Variants in GABRA3 observed in about 807,000 individuals in gnomAD.
The protein encoded by GABRA3 is gamma-aminobutyric acid type A receptor subunit alpha3, also known as gamma-aminobutyric acid receptor subunit alpha-3.
Under a neutral mutation model 30.1 loss-of-function variants are expected in GABRA3, and 10 were observed. The ratio of observed to expected loss-of-function variants is 0.33; its 90% confidence interval spans 0.20 to 0.56. GABRA3 has a LOEUF of 0.56. Ranked by LOEUF, GABRA3 falls within the 20% of genes least tolerant of loss-of-function variation. The pLI, the probability that GABRA3 is intolerant of heterozygous loss-of-function variation, is 0.89. For synonymous variants in GABRA3, 151 were observed against 146.8 expected, an observed-to-expected ratio of 1.03 and a Z score of -0.21; for missense variants, 233 against 392.0, an observed-to-expected ratio of 0.59 and a Z score of 3.42.
chrX:152,364,408 T>A (rs199945107), intron 2 of GABRA3, 23 bp downstream of exon 2: 1 of 1,193,716 alleles, frequency 8.4e-7, no homozygotes, highest in African/African-American at 1.8e-5. Context: ...TCTTCTTTCA[T>A]CCTAAGAGTT....
chrX:152,332,286 A>G (rs908111915), intron 3 of GABRA3, among the ~76,000 whole-genome samples: 1 of 112,071 alleles, frequency 8.9e-6, no homozygotes, highest in Admixed American at 9.5e-5. Context: ...TAATGCATAG[A>G]AGACAGAATG....
chrX:152,322,754 G>A (rs1329416516), intron 3 of GABRA3, among the ~76,000 whole-genome samples: 1 of 105,597 alleles, frequency 9.5e-6, no homozygotes. Flanking sequence ...GGTTGGTCTC[G>A]AACTCCTGAC....
intron 3 of GABRA3, among the ~76,000 whole-genome samples, chrX:152,296,980 G>C (rs1403118556): frequency 1.8e-5 from 2 of 111,612 alleles, no homozygotes; most frequent in African/African-American, 6.5e-5. Flanking sequence ...TTACAGGCAT[G>C]AGCCACCATG....
At chrX:152,367,376 T>C (rs1402070388) in intron 1 of GABRA3, among the ~76,000 whole-genome samples, 1 of 111,741 alleles carries the variant, frequency 8.9e-6, no homozygotes, top group Non-Finnish European at 1.9e-5. Flanking sequence ...CCATGATACA[T>C]GAACACATAA....
intron 5 of GABRA3, among the ~76,000 whole-genome samples, chrX:152,248,584 G>A: frequency 8.9e-6 from 1 of 111,877 alleles, no homozygotes; most frequent in Non-Finnish European, 1.9e-5. Context: ...AATTTAAGGA[G>A]CAAGAAATAC....
intron 4 of GABRA3, among the ~76,000 whole-genome samples, chrX:152,267,535 G>C (rs1388360358): frequency 1.8e-5 from 2 of 111,143 alleles, no homozygotes; most frequent in Non-Finnish European, 3.8e-5. Context: ...GAATGAGTTT[G>C]GACATATTCC....
At chrX:152,382,996 G>A (rs1929186674) in intron 1 of GABRA3, among the ~76,000 whole-genome samples, 1 of 111,009 alleles carries the variant, frequency 9.0e-6, no homozygotes, top group South Asian at 3.8e-4. Context: ...AGATTATTTT[G>A]GCTATTCTGG....
At chrX:152,289,582 A>C (rs1465603177) in intron 3 of GABRA3, among the ~76,000 whole-genome samples, 1 of 110,136 alleles carries the variant, frequency 9.1e-6, no homozygotes, top group Non-Finnish European at 1.9e-5. Context: ...TTTGTTACAT[A>C]GGCATACATG....
At chrX:152,279,220 C>T (rs1359992199) in intron 4 of GABRA3, among the ~76,000 whole-genome samples, 2 of 111,670 alleles carry the variant, frequency 1.8e-5, no homozygotes, top group Non-Finnish European at 3.8e-5. Context: ...CCTAGGTTTT[C>T]TTCTAGGGTT....
intron 6 of GABRA3, among the ~76,000 whole-genome samples, chrX:152,216,958 C>T (rs762944898): frequency 9.1e-6 from 1 of 110,367 alleles, no homozygotes; most frequent in South Asian, 3.8e-4. Flanking sequence ...TCAATTAAAA[C>T]GAAAATAATT....
intron 1 of GABRA3, among the ~76,000 whole-genome samples, chrX:152,412,297 T>C (rs1030968221): frequency 1.8e-5 from 2 of 111,971 alleles, no homozygotes; most frequent in Admixed American, 1.9e-4. Context: ...AATTCACTTA[T>C]GACTCAGCAA....
chrX:152,189,578 GC>G (rs1241559342), intron 9 of GABRA3, 151 bp downstream of exon 9: 25 of 423,189 alleles, frequency 5.9e-5, no homozygotes, highest in Non-Finnish European at 9.3e-5. Context: ...ATGCCAGGTT[GC>G]CAAGAAGCAC....
intron 1 of GABRA3, among the ~76,000 whole-genome samples, chrX:152,368,906 C>T (rs756998072): frequency 3.4e-4 from 37 of 110,232 alleles, no homozygotes; most frequent in Non-Finnish European, 6.4e-4. Flanking sequence ...GGGGTTTCAC[C>T]GTGTTAGCCA....
At chrX:152,279,611 T>C (rs1477588787) in intron 4 of GABRA3, among the ~76,000 whole-genome samples, 1 of 111,401 alleles carries the variant, frequency 9.0e-6, no homozygotes, top group Non-Finnish European at 1.9e-5. Context: ...TTTGGTTCCA[T>C]ATGAAATTTA....
At chrX:152,202,643 T>C (rs1937499513) in intron 7 of GABRA3, among the ~76,000 whole-genome samples, 1 of 112,461 alleles carries the variant, frequency 8.9e-6, no homozygotes. Context: ...TGTGTATGTA[T>C]GTGCACACAT....
At chrX:152,260,843 G>A (rs1443637477) in intron 4 of GABRA3, among the ~76,000 whole-genome samples, 4 of 111,606 alleles carry the variant, frequency 3.6e-5, no homozygotes, top group African/African-American at 1.3e-4. Context: ...TGAACATCTA[G>A]AAGTATAAAG....
chrX:152,414,232 A>AT (rs1440773454), intron 1 of GABRA3, among the ~76,000 whole-genome samples: 1 of 111,014 alleles, frequency 9.0e-6, no homozygotes, highest in Non-Finnish European at 1.9e-5. Context: ...ACGCAAAAAT[A>AT]TTTTTACAGG....
intron 7 of GABRA3, among the ~76,000 whole-genome samples, chrX:152,199,822 C>G (rs921209170): frequency 9.1e-6 from 1 of 109,569 alleles, no homozygotes; most frequent in Non-Finnish European, 1.9e-5. Context: ...CCTTCCCTCC[C>G]TCCTTTCTGT....
intron 5 of GABRA3, among the ~76,000 whole-genome samples, chrX:152,238,190 T>C (rs1352026455): frequency 9.6e-6 from 1 of 104,196 alleles, no homozygotes; most frequent in Non-Finnish European, 1.9e-5. Flanking sequence ...TTATTGAGAG[T>C]TTTTATCATG....
Sources: gnomAD v4.1 joint callset for allele counts (sites outside exome capture counted in the v4.1 genomes callset) on GRCh38, gnomAD v4.1.1 for gene constraint, MANE v1.5 for transcripts, NCBI Gene and HGNC (gene_info 2026-07-23, HGNC 2026-07-21) for gene names.